The following SETBP1 variants were observed in gnomAD, a reference collection of about 807,000 sequenced individuals.
SETBP1 encodes SET binding protein 1, also known as SET-binding protein.
In SETBP1, 9 loss-of-function variants were observed where a neutral mutation model predicts 101.0. The ratio of observed to expected loss-of-function variants is 0.09; its 90% CI spans 0.05 to 0.16. The LOEUF (loss-of-function observed/expected upper bound fraction) is 0.16. SETBP1 is among the 10% of genes least tolerant of loss of function. SETBP1 has a pLI of 1.00. For missense variants in SETBP1, 1,858 were observed against 2,033.8 expected, an observed-to-expected ratio of 0.91 and a Z score of 1.66; for synonymous variants, 818 against 788.5, an observed-to-expected ratio of 1.04 and a Z score of -0.63.
At position 44,701,579 on chromosome 18, in the gene SETBP1, A is replaced by G; in HGVS notation, c.233A>G (p.Glu78Gly). The change falls in exon 2 of 6, where the codon GAG (glutamate) becomes GGG (glycine). Residue 78 changes from glutamate to glycine, a missense_variant. By Grantham distance (98) the Glu-to-Gly change is moderately conservative. Transcript: ENST00000649279. ...DVDSNSNADSEKWVAGDGLEE... is the reference protein window; with the variant it reads ...DVDSNSNADSGKWVAGDGLEE... ...GATTCCAACTCCAACGCGGACAGTG[A>G]GAAATGGGTGGCAGGAGATGGTTTG... 2 of 1,614,178 alleles carry G rather than the reference A, an allele frequency of 1.2e-6. No homozygotes were observed. The highest frequency in any genetic ancestry group is 1.7e-6 in the Non-Finnish European group (2 of 1,180,032).
chr18:44,797,522 C>A (rs534799643), intron 2 of SETBP1, among the ~76,000 whole-genome samples: 4 of 152,158 alleles, frequency 2.6e-5, no homozygotes, highest in Non-Finnish European at 5.9e-5. Flanking sequence ...CTGTCCCTAC[C>A]CCTGGTGTAG....
intron 4 of SETBP1, among the ~76,000 whole-genome samples, chr18:45,035,995 A>G (rs1294282691): frequency 6.6e-6 from 1 of 152,214 alleles, no homozygotes; most frequent in Non-Finnish European, 1.5e-5. Context: ...AGGAATGAAA[A>G]GTTTAATACA....
At chr18:44,992,387 T>A (rs1345705545) in intron 4 of SETBP1, among the ~76,000 whole-genome samples, 5 of 151,836 alleles carry the variant, frequency 3.3e-5, no homozygotes, top group Admixed American at 6.6e-5. Flanking sequence ...TGATAAAAAA[T>A]TATGATCAAG....
chr18:44,799,711 A>T (rs1241899198), intron 2 of SETBP1, among the ~76,000 whole-genome samples: 1 of 152,172 alleles, frequency 6.6e-6, no homozygotes, highest in African/African-American at 2.4e-5. Flanking sequence ...TTGGAGGTAT[A>T]CTTGATAGGA....
intron 2 of SETBP1, among the ~76,000 whole-genome samples, chr18:44,848,332 G>A (rs765401475): frequency 6.6e-6 from 1 of 152,126 alleles, no homozygotes; most frequent in Non-Finnish European, 1.5e-5. Flanking sequence ...AGAGAGTTAT[G>A]GGGGAGGGGG....
intron 4 of SETBP1, among the ~76,000 whole-genome samples, chr18:44,954,636 A>G (rs1010358034): frequency 2.0e-5 from 3 of 152,206 alleles, no homozygotes; most frequent in Non-Finnish European, 4.4e-5. Flanking sequence ...GATTGCCACT[A>G]GCCTGTGAGT....
At chr18:44,837,711 T>G (rs1002759292) in intron 2 of SETBP1, among the ~76,000 whole-genome samples, 3 of 152,226 alleles carry the variant, frequency 2.0e-5, no homozygotes, top group Non-Finnish European at 4.4e-5. Flanking sequence ...GCATGACAGC[T>G]GCCCAGCTCC....
chr18:44,848,437 A>C (rs373495220), intron 2 of SETBP1, among the ~76,000 whole-genome samples: 51 of 152,338 alleles, frequency 3.3e-4, no homozygotes, highest in African/African-American at 1.2e-3. Flanking sequence ...GTCTTTGCTC[A>C]TATGGAAATA....
intron 3 of SETBP1, among the ~76,000 whole-genome samples, chr18:44,889,422 A>G (rs2069719178): frequency 6.6e-6 from 1 of 152,144 alleles, no homozygotes; most frequent in African/African-American, 2.4e-5. Flanking sequence ...GTTAGCTTAG[A>G]CTGTTTTGAT....
intron 2 of SETBP1, among the ~76,000 whole-genome samples, chr18:44,744,781 A>AC (rs1555675764): frequency 7.9e-6 from 1 of 126,098 alleles, no homozygotes; most frequent in Non-Finnish European, 1.8e-5. Context: ...AAAAAAAAAA[A>AC]ACAAAAAAAA....
Position 44,951,402 on chromosome 18 carries a change from G to A in SETBP1, c.2062G>A (p.Val688Ile), listed in dbSNP as rs370618204. The A allele has an allele frequency of 1.2e-4, 187 of 1,613,986 alleles. No homozygotes were observed. Among genetic ancestry groups the A allele is most frequent in the African/African-American group, 4.1e-4 (31 of 74,894 alleles). ...TCAGATCTTGTCCTGTTCCAGCAGC[G>A]TTGCTCTGAAGGCAAAAGCTCCCCC... Reference protein sequence around the residue: ...LNQILSCSSSVALKAKAPPET... With the variant: ...LNQILSCSSSIALKAKAPPET... Residue 688 changes from valine to isoleucine, a missense_variant, in exon 4 of 6, where the codon GTT becomes ATT. Physicochemically the swap from Val to Ile is conservative, Grantham distance 29. Coordinates refer to ENST00000649279, the MANE Select transcript of SETBP1 (RefSeq NM_015559.3). The surrounding 1 kb of genome is among the most constrained non-coding windows in gnomAD (Gnocchi z 7.8).
intron 2 of SETBP1, among the ~76,000 whole-genome samples, chr18:44,785,606 A>G (rs1329360267): frequency 2.0e-5 from 3 of 152,106 alleles, no homozygotes; most frequent in Non-Finnish European, 4.4e-5. Flanking sequence ...CAGTCCCTAG[A>G]CTTGTCAGCC....
At chr18:45,018,969 G>A (rs1055323410) in intron 4 of SETBP1, among the ~76,000 whole-genome samples, 1 of 152,122 alleles carries the variant, frequency 6.6e-6, no homozygotes, top group Admixed American at 6.5e-5. Context: ...GAGGTGAGAA[G>A]GAGAGTATAG....
chr18:44,717,937 T>A (rs1282612867), intron 2 of SETBP1, among the ~76,000 whole-genome samples: 2 of 152,212 alleles, frequency 1.3e-5, no homozygotes, highest in African/African-American at 4.8e-5. Flanking sequence ...TGTGTGCTTG[T>A]GTGTGCATTT....
intron 2 of SETBP1, among the ~76,000 whole-genome samples, chr18:44,714,177 A>G (rs942738656): frequency 6.6e-6 from 1 of 152,210 alleles, no homozygotes; most frequent in African/African-American, 2.4e-5. Context: ...TTTCCAGCCT[A>G]GATGTTAAAC....
chr18:44,925,037 A>C (rs1179320314), intron 3 of SETBP1, among the ~76,000 whole-genome samples: 7 of 70,848 alleles, frequency 9.9e-5, no homozygotes, highest in African/African-American at 2.6e-4. Flanking sequence ...TTTTTTTTTC[A>C]CGAGAATGAG....
intron 4 of SETBP1, among the ~76,000 whole-genome samples, chr18:45,034,857 T>C (rs985195955): frequency 6.6e-6 from 1 of 152,176 alleles, no homozygotes; most frequent in African/African-American, 2.4e-5. Context: ...ATTGTCTCTG[T>C]GTAAGCAGTG....
intron 2 of SETBP1, among the ~76,000 whole-genome samples, chr18:44,852,028 A>ATC (rs1470445872): frequency 1.3e-5 from 2 of 152,176 alleles, no homozygotes; most frequent in East Asian, 3.9e-4. Flanking sequence ...CTCAGCTTTG[A>ATC]TCACACACAC....
At chr18:44,717,982 T>A (rs2069504309) in intron 2 of SETBP1, among the ~76,000 whole-genome samples, 1 of 152,188 alleles carries the variant, frequency 6.6e-6, no homozygotes, top group South Asian at 2.1e-4. Context: ...TTCATAATAG[T>A]GTGGATTATA....
Sources: gnomAD v4.1 joint callset for allele counts (sites outside exome capture counted in the v4.1 genomes callset) on GRCh38, gnomAD v4.1.1 for gene constraint, Gnocchi (gnomAD v3.1) non-coding constraint, MANE v1.5 for transcripts, NCBI Gene and HGNC (gene_info 2026-07-23, HGNC 2026-07-21) for gene names.